Variants in SERPINA9 observed in about 807,000 individuals in gnomAD.
The protein encoded by SERPINA9 is serpin A9.
SERPINA9 carries 32 observed loss-of-function variants against 24.5 expected under a neutral mutation model. The ratio of observed to expected loss-of-function variants is 1.30; its 90% CI spans 0.98 to 1.75. SERPINA9 has a LOEUF of 1.75. SERPINA9 is among the 40% of genes most tolerant of loss of function. SERPINA9 has a pLI of 0.00. For synonymous variants in SERPINA9, 233 were observed against 197.7 expected (o/e 1.18, Z -1.50); for missense variants, 594 against 497.1 (o/e 1.19, Z -1.85).
chr14:94,475,669 A>C (rs1019528079), intron 1 of SERPINA9, among the ~76,000 whole-genome samples: 1 of 152,082 alleles, frequency 6.6e-6, no homozygotes, highest in South Asian at 2.1e-4. Context: ...CTTAGAAAGT[A>C]TCTCTTCTCT....
Position 94,469,843 on chromosome 14 carries a change from T to C in SERPINA9, c.-3A>G, listed in dbSNP as rs1899225089. 13 of 1,509,762 alleles carry C rather than the reference T, an allele frequency of 8.6e-6. No individual in the cohort carries two copies. The highest frequency in any genetic ancestry group is 1.1e-5 in the Non-Finnish European group (12 of 1,129,746). 93.5% of individuals were successfully genotyped at this position (1,509,762 alleles called of 1,614,324 possible). A position where few individuals can be genotyped will look rare whatever the true frequency, so the allele number is the denominator to read the frequency against. ...ACTCCATAAAGGTAAGATGCCATTT[T>C]GGAACAAAATATGTCTGCAAGAGAA... On this transcript the variant is annotated 5_prime_UTR_variant, in exon 2 of 5. Coordinates refer to ENST00000674397, the MANE Select transcript of SERPINA9 (RefSeq NM_175739.4).
At chr14:94,471,572 A>G (rs1899319011) in intron 1 of SERPINA9, among the ~76,000 whole-genome samples, 2 of 152,098 alleles carry the variant, frequency 1.3e-5, no homozygotes, top group Middle Eastern at 3.2e-3. Context: ...CTCCATTTCC[A>G]CTTATGTGAT....
chr14:94,465,718 A>G (rs1207458084), intron 3 of SERPINA9, among the ~76,000 whole-genome samples: 1 of 152,080 alleles, frequency 6.6e-6, no homozygotes, highest in African/African-American at 2.4e-5. Context: ...TAGTAGAGAC[A>G]GGGTTTCACC....
chr14:94,465,952 C>A (rs1013333222), intron 3 of SERPINA9, among the ~76,000 whole-genome samples: 3 of 152,192 alleles, frequency 2.0e-5, no homozygotes, highest in Admixed American at 2.0e-4. Context: ...AACGAAAGCA[C>A]AAAAATATTG....
chr14:94,467,511 G>GTA, intron 2 of SERPINA9, 129 bp from the exon 3 acceptor site: 1 of 799,546 alleles, frequency 1.3e-6, no homozygotes, highest in Non-Finnish European at 1.9e-6. Context: ...AAAATGCTCT[G>GTA]ATATTACACA....
At chr14:94,467,493 G>T in intron 2 of SERPINA9, 111 bp from the exon 3 acceptor site, 2 of 1,027,462 alleles carry the variant, frequency 1.9e-6, no homozygotes, top group Non-Finnish European at 2.8e-6. Flanking sequence ...TCTTTTTGAG[G>T]TGACAAAAAA....
intron 1 of SERPINA9, among the ~76,000 whole-genome samples, chr14:94,472,498 G>A (rs4900232): frequency 0.43 from 65,082 of 152,004 alleles, 14,546 homozygotes; most frequent in Middle Eastern, 0.62. Context: ...GACCACACGC[G>A]TGCCTTTAGA....
At chr14:94,473,101 A>G (rs1899401861) in intron 1 of SERPINA9, among the ~76,000 whole-genome samples, 1 of 152,132 alleles carries the variant, frequency 6.6e-6, no homozygotes, top group South Asian at 2.1e-4. Context: ...TGTGTTCCTC[A>G]TTGCTCTACA....
At chr14:94,470,216 C>T (rs2139813660) in intron 1 of SERPINA9, 1 of 1,016,162 alleles carries the variant, frequency 9.8e-7, no homozygotes, top group South Asian at 4.6e-5. Context: ...TATGTGAACC[C>T]AGATTGCATT....
intron 1 of SERPINA9, among the ~76,000 whole-genome samples, chr14:94,471,284 G>T (rs1208837849): frequency 6.6e-6 from 1 of 152,134 alleles, no homozygotes; most frequent in Non-Finnish European, 1.5e-5. Flanking sequence ...ACTGGAACAA[G>T]AATTCAGTCA....
Position 94,476,120 on chromosome 14 carries a change from C to A in SERPINA9, c.-18+16G>T, listed in dbSNP as rs1424690929. The A allele has an allele frequency of 1.2e-6, 2 of 1,614,182 alleles. No homozygotes were observed. The highest frequency in any genetic ancestry group is 4.5e-5 in the East Asian group (2 of 44,874). On this transcript the variant is annotated intron_variant, in intron 1 of 4. Coordinates refer to ENST00000674397, the MANE Select transcript of SERPINA9 (RefSeq NM_175739.4). ...ACACCACATTCCCGATCTCTCTGCA[C>A]CTCCTCCTTACCCACCTTTGCAGGT... is the stretch of plus-strand genomic sequence containing the variant.
At chr14:94,469,158 A>T in intron 2 of SERPINA9, 55 bp downstream of exon 2, 2 of 1,458,206 alleles carry the variant, frequency 1.4e-6, no homozygotes, top group African/African-American at 1.4e-5. Context: ...CTAAGCAAAA[A>T]TCATCATCAT....
chr14:94,472,360 T>C (rs1899361717), intron 1 of SERPINA9, among the ~76,000 whole-genome samples: 1 of 151,080 alleles, frequency 6.6e-6, no homozygotes, highest in Non-Finnish European at 1.5e-5. Context: ...AAGACTCTAC[T>C]TAGCTATTAC....
intron 2 of SERPINA9, 134 bp from the exon 3 acceptor site, chr14:94,467,516 T>A: frequency 1.3e-6 from 1 of 763,228 alleles, no homozygotes; most frequent in Non-Finnish European, 2.1e-6. Context: ...GCTCTGATAT[T>A]ACACAGCGGA....
chr14:94,468,471 A>C (rs190975457), intron 2 of SERPINA9, among the ~76,000 whole-genome samples: 81 of 152,316 alleles, frequency 5.3e-4, no homozygotes, highest in Non-Finnish European at 7.6e-4. Flanking sequence ...AGGCACTTCT[A>C]TCTCAAGCAC....
chr14:94,475,795 C>CA, intron 1 of SERPINA9: 1 of 398,896 alleles, frequency 2.5e-6, no homozygotes, highest in Non-Finnish European at 4.5e-6. Context: ...AAGAAACCAA[C>CA]AACGACACAA....
At position 94,462,781 on chromosome 14, in the gene SERPINA9, G is replaced by T; in HGVS notation, c.*312C>A. 1 of 351,922 alleles carries T rather than the reference G, an allele frequency of 2.8e-6. No individual in the cohort carries two copies. The highest frequency in any genetic ancestry group is 3.0e-5 in the South Asian group (1 of 33,482). 21.8% of individuals were successfully genotyped at this position (351,922 alleles called of 1,614,324 possible). ...GTGTTATTGTAATTCTGCAATAGAG[G>T]TGCCTAACCTGGGTTGGCGTATTTC... On this transcript the variant is annotated 3_prime_UTR_variant, in exon 5 of 5. Transcript: ENST00000674397.
rs1595661016 is a variant in SERPINA9, at chr14:94,462,951, T to G, written c.*142A>C. 4 of 689,856 alleles carry G rather than the reference T, an allele frequency of 5.8e-6. No homozygotes were observed. The highest frequency in any genetic ancestry group is 2.2e-5 in the Admixed American group (1 of 45,072). The allele number at this position is 689,856 out of a possible 1,614,324, so 42.7% of individuals were successfully genotyped here. The stretch of plus-strand genomic sequence containing the variant: ...ACTGGGGTCCCTGTTGATGGTTTGG[T>G]GATTGAGCCTTGGAAGTGGCATCCC... On this transcript the variant is annotated 3_prime_UTR_variant, in exon 5 of 5. Coordinates refer to ENST00000674397, the MANE Select transcript of SERPINA9 (RefSeq NM_175739.4).
chr14:94,474,219 C>A (rs1899465365), intron 1 of SERPINA9, among the ~76,000 whole-genome samples: 1 of 152,184 alleles, frequency 6.6e-6, no homozygotes, highest in Non-Finnish European at 1.5e-5. Context: ...AGGTGGCTCT[C>A]AGGGGGCCCC....
Sources: gnomAD v4.1 joint callset for allele counts (sites outside exome capture counted in the v4.1 genomes callset) on GRCh38, gnomAD v4.1.1 for gene constraint, MANE v1.5 for transcripts, NCBI Gene and HGNC (gene_info 2026-07-23, HGNC 2026-07-21) for gene names.